Variants in B3GNT2 observed in about 807,000 individuals in gnomAD.
B3GNT2 encodes the protein UDP-GlcNAc:betaGal beta-1,3-N-acetylglucosaminyltransferase 2, also known as N-acetyllactosaminide beta-1,3-N-acetylglucosaminyltransferase 2.
B3GNT2 carries 12 observed loss-of-function variants against 27.6 expected under a neutral mutation model. The observed-to-expected ratio is 0.44, with a 90% CI of 0.28 to 0.71. The LOEUF (loss-of-function observed/expected upper bound fraction) is 0.71, where lower values mean the gene tolerates loss of function less well. Among genes scored for constraint, B3GNT2 ranks in the 30% least tolerant of loss-of-function variants. B3GNT2 has a pLI of 0.17. For synonymous variants in B3GNT2, 192 were observed against 189.7 expected (o/e 1.01, Z -0.10); for missense variants, 413 against 488.5 (o/e 0.85, Z 1.46).
intron 1 of B3GNT2, among the ~76,000 whole-genome samples, chr2:62,203,700 G>A (rs1425366696): frequency 6.6e-6 from 1 of 152,104 alleles, no homozygotes; most frequent in Admixed American, 6.5e-5. Context: ...CTGAAGATGG[G>A]GGAAACAGTG....
chr2:62,219,527 G>A (rs755057928), intron 1 of B3GNT2, among the ~76,000 whole-genome samples: 2 of 152,184 alleles, frequency 1.3e-5, no homozygotes, highest in Non-Finnish European at 1.5e-5. Flanking sequence ...TGCCCACCTC[G>A]GCCTACCAAA....
At chr2:62,205,072 C>T (rs1285096136) in intron 1 of B3GNT2, among the ~76,000 whole-genome samples, 2 of 152,138 alleles carry the variant, frequency 1.3e-5, no homozygotes, top group Non-Finnish European at 2.9e-5. Flanking sequence ...ACAGGCAGAC[C>T]GGCGAGATTG....
At chr2:62,203,161 T>C (rs1369435558) in intron 1 of B3GNT2, among the ~76,000 whole-genome samples, 1 of 152,292 alleles carries the variant, frequency 6.6e-6, no homozygotes, top group Non-Finnish European at 1.5e-5. Flanking sequence ...GGCCACTTCA[T>C]TAAAGTTAGT....
chr2:62,217,475 G>A (rs1674599027), intron 1 of B3GNT2, among the ~76,000 whole-genome samples: 5 of 152,226 alleles, frequency 3.3e-5, no homozygotes, highest in Admixed American at 2.6e-4. Context: ...GTTAAGGCAG[G>A]TGTGTTCATG....
chr2:62,206,512 T>A (rs1291250298), intron 1 of B3GNT2, among the ~76,000 whole-genome samples: 1 of 151,972 alleles, frequency 6.6e-6, no homozygotes, highest in Non-Finnish European at 1.5e-5. Context: ...CATTTCTCTA[T>A]TTTTTTTCCC....
Position 62,200,040 on chromosome 2 carries a change from T to C in B3GNT2, c.-10+3685T>C, listed in dbSNP as rs1234280325. 2.6e-5 allele frequency among the ~76,000 whole-genome samples: 4 copies of C among 152,198 alleles called. No homozygotes were observed. In the South Asian group the frequency reaches 6.2e-4, roughly 24 times the overall value. ...ATTACTTTGCTGCTGGAAAAAGTTA[T>C]TTGTACTGAGTTTTCTATTTGTTAC... On this transcript the variant is annotated intron_variant, in intron 1 of 1. Coordinates refer to ENST00000301998, the MANE Select transcript of B3GNT2 (RefSeq NM_006577.6).
intron 1 of B3GNT2, among the ~76,000 whole-genome samples, chr2:62,205,171 G>A (rs72803363): frequency 0.031 from 4,729 of 152,332 alleles, 90 homozygotes; most frequent in Middle Eastern, 0.058. Context: ...GCAGAGACTC[G>A]TTTAAAACTG....
intron 1 of B3GNT2, among the ~76,000 whole-genome samples, chr2:62,206,748 C>G (rs905606177): frequency 3.3e-5 from 5 of 152,190 alleles, no homozygotes; most frequent in African/African-American, 1.2e-4. Context: ...TTTCTGCACT[C>G]TTTGTGCCTG....
intron 1 of B3GNT2, among the ~76,000 whole-genome samples, chr2:62,214,646 C>T (rs950910036): frequency 1.3e-5 from 2 of 152,166 alleles, no homozygotes; most frequent in Non-Finnish European, 2.9e-5. Context: ...GAGAAATGTG[C>T]TTCGTTTAGG....
At chr2:62,219,227 C>G (rs1674635645) in intron 1 of B3GNT2, among the ~76,000 whole-genome samples, 1 of 152,208 alleles carries the variant, frequency 6.6e-6, no homozygotes, top group South Asian at 2.1e-4. Flanking sequence ...AAGCTGTCCT[C>G]TTTTACTCCA....
chr2:62,219,695 T>C lies in B3GNT2; in HGVS notation c.-9-2517T>C, dbSNP rs565321709. Among the ~76,000 whole-genome samples the C allele has an allele frequency of 6.6e-5, 10 of 152,348 alleles. No homozygotes were observed. The East Asian group carries it at 1.9e-3, about 29-fold the overall frequency. On this transcript the variant is annotated intron_variant, in intron 1 of 1. Transcript: ENST00000301998. ...GAGACAGCAGTACTGGGTCAAGGGC[T>C]CACTTTAGCATTAGGAGAATTGTCC...
chr2:62,196,493 C>G (rs543429947), intron 1 of B3GNT2, 138 bp downstream of exon 1: 19 of 152,864 alleles, frequency 1.2e-4, no homozygotes, highest in African/African-American at 4.6e-4. Flanking sequence ...CGCCCGGTTC[C>G]TCGCCGGTTC....
At chr2:62,208,309 G>T (rs990252618) in intron 1 of B3GNT2, among the ~76,000 whole-genome samples, 6 of 149,726 alleles carry the variant, frequency 4.0e-5, no homozygotes, top group Non-Finnish European at 5.9e-5. Flanking sequence ...CTTGTACAAG[G>T]TCACTTGGAT....
intron 1 of B3GNT2, among the ~76,000 whole-genome samples, chr2:62,203,009 A>G (rs901090546): frequency 3.3e-5 from 5 of 152,210 alleles, no homozygotes; most frequent in Non-Finnish European, 4.4e-5. Context: ...GGCATAAAGC[A>G]GCCTTTCCTT....
At chr2:62,196,763 A>C (rs1674151463) in intron 1 of B3GNT2, among the ~76,000 whole-genome samples, 3 of 151,848 alleles carry the variant, frequency 2.0e-5, no homozygotes, top group African/African-American at 7.2e-5. Flanking sequence ...GGCTTTGGCA[A>C]GGGGCATCTG....
chr2:62,206,284 C>T (rs1674373039), intron 1 of B3GNT2, among the ~76,000 whole-genome samples: 1 of 152,062 alleles, frequency 6.6e-6, no homozygotes, highest in Admixed American at 6.5e-5. Flanking sequence ...TCAGTTCCTG[C>T]CCTCTCCCTC....
At chr2:62,220,631 CTGTT>C (rs1197593557) in intron 1 of B3GNT2, among the ~76,000 whole-genome samples, 10 of 152,186 alleles carry the variant, frequency 6.6e-5, no homozygotes, top group Non-Finnish European at 2.9e-5. Flanking sequence ...GACTTGGAAT[CTGTT>C]TGCCTTGGCT....
intron 1 of B3GNT2, among the ~76,000 whole-genome samples, chr2:62,213,089 G>A (rs532436860): frequency 5.3e-5 from 8 of 152,248 alleles, no homozygotes; most frequent in African/African-American, 9.6e-5. Context: ...CTTGCATTCC[G>A]GTGTTTTTTT....
chr2:62,218,837 G>T (rs1403835837), intron 1 of B3GNT2, among the ~76,000 whole-genome samples: 1 of 152,242 alleles, frequency 6.6e-6, no homozygotes, highest in African/African-American at 2.4e-5. Flanking sequence ...GTTGAGGGTG[G>T]TGTTCCCGGG....
Sources: gnomAD v4.1 joint callset for allele counts (sites outside exome capture counted in the v4.1 genomes callset) on GRCh38, gnomAD v4.1.1 for gene constraint, MANE v1.5 for transcripts, NCBI Gene and HGNC (gene_info 2026-07-23, HGNC 2026-07-21) for gene names.